Variants in QKI observed in about 807,000 individuals in gnomAD.
The protein encoded by QKI is QKI, KH domain containing RNA binding.
A neutral mutation model predicts 39.0 loss-of-function variants in QKI; 10 were observed. That is an observed-to-expected ratio of 0.26 (90% CI 0.16 to 0.43). The LOEUF is 0.43. Among genes scored for constraint, QKI ranks in the 20% least tolerant of loss-of-function variants. QKI has a pLI of 1.00. For synonymous variants in QKI, 204 were observed against 155.4 expected (o/e 1.31, Z -2.33); for missense variants, 218 against 428.0 (o/e 0.51, Z 4.33).
At chr6:163,415,507 G>T (rs1787378208) in intron 1 of QKI, among the ~76,000 whole-genome samples, 172 bp downstream of exon 1, 1 of 150,154 alleles carries the variant, frequency 6.7e-6, no homozygotes, top group South Asian at 2.1e-4. Flanking sequence ...CTTGCGGCGG[G>T]CGGGCGGGCC....
chr6:163,452,168 C>A (rs1790613335), intron 1 of QKI, among the ~76,000 whole-genome samples: 1 of 152,154 alleles, frequency 6.6e-6, no homozygotes, highest in South Asian at 2.1e-4. Context: ...TCAGAACTTG[C>A]TCTGACTCGA....
chr6:163,431,550 A>C (rs1305364550), intron 1 of QKI, among the ~76,000 whole-genome samples: 3 of 152,146 alleles, frequency 2.0e-5, no homozygotes, highest in Non-Finnish European at 4.4e-5. Flanking sequence ...GGAATTAGTA[A>C]ATTTTGGAAA....
At chr6:163,524,519 A>G (rs945782285) in intron 3 of QKI, among the ~76,000 whole-genome samples, 1 of 151,790 alleles carries the variant, frequency 6.6e-6, no homozygotes, top group African/African-American at 2.4e-5. Flanking sequence ...CCCAGGCTGG[A>G]GTGCAGTGGC....
At chr6:163,531,080 T>G (rs142313254) in intron 3 of QKI, among the ~76,000 whole-genome samples, 1 of 152,308 alleles carries the variant, frequency 6.6e-6, no homozygotes, top group East Asian at 1.9e-4. Context: ...TCTTCCAACC[T>G]TCTATCAAAT....
At chr6:163,549,007 T>C (rs143182957) in intron 4 of QKI, among the ~76,000 whole-genome samples, 1 of 152,202 alleles carries the variant, frequency 6.6e-6, no homozygotes, top group Non-Finnish European at 1.5e-5. Flanking sequence ...TTCACTGTAA[T>C]TATAGAATAT....
chr6:163,515,560 A>G (rs1419912461), intron 3 of QKI, among the ~76,000 whole-genome samples: 2 of 152,182 alleles, frequency 1.3e-5, no homozygotes, highest in Non-Finnish European at 2.9e-5. Context: ...AATTTGATCA[A>G]ATACACTTGA....
chr6:163,434,060 T>C (rs971967270), intron 1 of QKI, among the ~76,000 whole-genome samples: 8 of 152,220 alleles, frequency 5.3e-5, no homozygotes, highest in African/African-American at 1.2e-4. Flanking sequence ...TGCTGTAATT[T>C]AGTTTTCAAC....
intron 4 of QKI, among the ~76,000 whole-genome samples, chr6:163,543,141 G>C (rs1023716465): frequency 6.6e-6 from 1 of 152,076 alleles, no homozygotes; most frequent in Non-Finnish European, 1.5e-5. Flanking sequence ...CCATAGAGAT[G>C]TGGTAATTTT....
intron 6 of QKI, chr6:163,564,672 A>G: frequency 5.0e-6 from 8 of 1,614,064 alleles, no homozygotes; most frequent in African/African-American, 1.3e-5. Flanking sequence ...TATAGAGTGG[A>G]TTGAAATGCC....
chr6:163,446,631 A>G (rs1040298809), intron 1 of QKI, among the ~76,000 whole-genome samples: 2 of 152,230 alleles, frequency 1.3e-5, no homozygotes, highest in African/African-American at 4.8e-5. Flanking sequence ...CCAGAAGACC[A>G]CATTTTCTAT....
chr6:163,487,657 T>C (rs1369049554), intron 3 of QKI, among the ~76,000 whole-genome samples: 2 of 152,144 alleles, frequency 1.3e-5, no homozygotes, highest in African/African-American at 2.4e-5. Context: ...TGGATTTTGC[T>C]GGTGGCATTT....
intron 3 of QKI, among the ~76,000 whole-genome samples, chr6:163,530,732 C>G (rs970663279): frequency 2.0e-5 from 3 of 152,084 alleles, no homozygotes; most frequent in African/African-American, 7.2e-5. Context: ...TGGTCGGTCT[C>G]TCTCTTCACA....
rs558886669 is a variant in QKI, at chr6:163,551,167, C to T, written c.547-10815C>T. 2.2e-4 allele frequency among the ~76,000 whole-genome samples: 33 copies of T among 152,232 alleles called. 2 individuals are homozygous for T. The highest frequency in any genetic ancestry group is 4.8e-4 in the African/African-American group (20 of 41,534). On this transcript the variant is annotated intron_variant, in intron 4 of 7. Transcript: ENST00000361752. ...TTCTCCTACTATACTCTCACAACAC[C>T]GAGTGCTTCTGTGATCTATGGTCAT...
chr6:163,563,897 G>A (rs1482848655), intron 6 of QKI, 178 bp downstream of exon 6: 3 of 1,416,268 alleles, frequency 2.1e-6, no homozygotes, highest in Non-Finnish European at 2.7e-6. Flanking sequence ...TGAAATAATT[G>A]CACCTTAAAT....
chr6:163,559,400 A>G lies in QKI; in HGVS notation c.547-2582A>G, dbSNP rs144161610. 2.6e-3 allele frequency among the ~76,000 whole-genome samples: 389 copies of G among 151,720 alleles called. 2 individuals are homozygous for G. The highest frequency in any genetic ancestry group is 8.8e-3 in the African/African-American group (366 of 41,364). On this transcript the variant is annotated intron_variant, in intron 4 of 7. Coordinates refer to ENST00000361752, the MANE Select transcript of QKI (RefSeq NM_006775.3). ...TATAAATTTAAATTTGAAACTTTTG[A>G]TAAGTTTTAATTTTCAAATGACTAG...
rs1372842251 is a variant in QKI at position 163,415,298 on chromosome 6, C to T, written c.105C>T (p.Cys35=). ...TCATGAGCAGCCTGCCCAACTTCTG[C>T]GGGATCTTCAACCACCTCGAGCGGC... is the stretch of plus-strand genomic sequence containing the variant. ...KKLMSSLPNF[C]GIFNHLERLL... Residue 35 remains cysteine, a synonymous_variant, in exon 1 of 8, where the codon TGC becomes TGT. Coordinates refer to ENST00000361752, the MANE Select transcript of QKI (RefSeq NM_006775.3). 5 of 1,594,050 alleles carry T rather than the reference C, an allele frequency of 3.1e-6. No homozygotes were observed. Among genetic ancestry groups the T allele is most frequent in the African/African-American group, 2.7e-5 (2 of 74,078 alleles).
At chr6:163,540,758 A>C (rs1421921032) in intron 4 of QKI, among the ~76,000 whole-genome samples, 1 of 152,110 alleles carries the variant, frequency 6.6e-6, no homozygotes, top group African/African-American at 2.4e-5. Context: ...TTTGATGATC[A>C]GTTTACTTTA....
At chr6:163,435,619 A>G (rs958859101) in intron 1 of QKI, among the ~76,000 whole-genome samples, 1 of 152,198 alleles carries the variant, frequency 6.6e-6, no homozygotes, top group Admixed American at 6.5e-5. Context: ...CCTTTAGCAC[A>G]TGCATTTTTG....
At chr6:163,430,304 GTCC>G (rs1788722858) in intron 1 of QKI, among the ~76,000 whole-genome samples, 3 of 152,100 alleles carry the variant, frequency 2.0e-5, no homozygotes, top group Admixed American at 1.3e-4. Context: ...GATTGCTGCT[GTCC>G]TTCTCTTCCC....
Sources: gnomAD v4.1 joint callset for allele counts (sites outside exome capture counted in the v4.1 genomes callset) on GRCh38, gnomAD v4.1.1 for gene constraint, MANE v1.5 for transcripts, NCBI Gene and HGNC (gene_info 2026-07-23, HGNC 2026-07-21) for gene names.